Variants in AGBL1 observed in about 807,000 individuals in gnomAD.
The protein encoded by AGBL1 is cytosolic carboxypeptidase 4.
A neutral mutation model predicts 118.9 loss-of-function variants in AGBL1; 130 were observed. The observed-to-expected ratio is 1.09, with a 90% confidence interval of 0.95 to 1.26. AGBL1 has a LOEUF of 1.26. AGBL1 is among the 50% of genes most tolerant of loss of function. The pLI, the probability that AGBL1 is intolerant of heterozygous loss-of-function variation, is 0.00. For synonymous variants in AGBL1, 555 were observed against 478.9 expected (o/e 1.16, Z -2.08); for missense variants, 1,584 against 1,298.1 (o/e 1.22, Z -3.38).
chr15:86,720,870 C>T (rs543425366), intron 22 of AGBL1, among the ~76,000 whole-genome samples: 73 of 152,276 alleles, frequency 4.8e-4, no homozygotes, highest in African/African-American at 1.6e-3. Context: ...ACTATGAACA[C>T]CTCTACACAA....
At chr15:86,497,205 C>T (rs1481902125) in intron 18 of AGBL1, among the ~76,000 whole-genome samples, 3 of 151,898 alleles carry the variant, frequency 2.0e-5, no homozygotes, top group Non-Finnish European at 2.9e-5. Context: ...AATTTTGCAT[C>T]TCGCTTCCCT....
intron 23 of AGBL1, among the ~76,000 whole-genome samples, chr15:86,974,971 T>C (rs1410492164): frequency 2.6e-5 from 4 of 151,946 alleles, no homozygotes; most frequent in African/African-American, 7.2e-5. Flanking sequence ...TTAGGGACTT[T>C]AGGCAAGGGT....
intron 22 of AGBL1, among the ~76,000 whole-genome samples, chr15:86,881,356 C>T (rs1002996679): frequency 2.0e-5 from 3 of 152,142 alleles, no homozygotes; most frequent in African/African-American, 7.2e-5. Context: ...CCTGGTGATT[C>T]TCACGTTCTC....
At chr15:86,824,277 AT>A (rs1303775619) in intron 22 of AGBL1, among the ~76,000 whole-genome samples, 1 of 152,090 alleles carries the variant, frequency 6.6e-6, no homozygotes, top group Non-Finnish European at 1.5e-5. Flanking sequence ...AAAACCAATC[AT>A]TTTTCTATAC....
At chr15:86,298,355 T>TGG in intron 17 of AGBL1, among the ~76,000 whole-genome samples, 1 of 114,936 alleles carries the variant, frequency 8.7e-6, no homozygotes, top group Non-Finnish European at 1.8e-5. Context: ...TATGAATATA[T>TGG]TCTTATATAT....
At chr15:86,457,008 C>G (rs916958095) in intron 18 of AGBL1, among the ~76,000 whole-genome samples, 1 of 151,964 alleles carries the variant, frequency 6.6e-6, no homozygotes, top group African/African-American at 2.4e-5. Context: ...AAGAACACAC[C>G]GCTATTTGCC....
intron 6 of AGBL1, among the ~76,000 whole-genome samples, chr15:86,240,947 G>T (rs1486057238): frequency 1.3e-5 from 2 of 152,134 alleles, no homozygotes; most frequent in African/African-American, 4.8e-5. Context: ...GATCTTAGAA[G>T]ATTAACTAAT....
At chr15:86,962,077 CTA>C (rs1419986714) in intron 23 of AGBL1, among the ~76,000 whole-genome samples, 2 of 152,110 alleles carry the variant, frequency 1.3e-5, no homozygotes, top group African/African-American at 2.4e-5. Flanking sequence ...TTACTATTTT[CTA>C]TTACAAATTG....
intron 21 of AGBL1, among the ~76,000 whole-genome samples, chr15:86,573,792 G>A (rs961477443): frequency 6.6e-6 from 1 of 152,040 alleles, no homozygotes; most frequent in Non-Finnish European, 1.5e-5. Flanking sequence ...AGACAGAATC[G>A]GAAAGATACA....
intron 18 of AGBL1, among the ~76,000 whole-genome samples, chr15:86,402,962 G>A (rs1462988371): frequency 6.6e-6 from 1 of 152,198 alleles, no homozygotes; most frequent in Non-Finnish European, 1.5e-5. Flanking sequence ...TGAGTTCTAA[G>A]TAAATCAGGA....
intron 18 of AGBL1, among the ~76,000 whole-genome samples, chr15:86,504,707 G>A (rs183567475): frequency 6.6e-6 from 1 of 151,420 alleles, no homozygotes; most frequent in East Asian, 1.9e-4. Context: ...CTTTCTTTGT[G>A]CTATTATCAT....
chr15:86,179,975 G>A (rs1165204613), intron 5 of AGBL1, among the ~76,000 whole-genome samples: 8 of 152,002 alleles, frequency 5.3e-5, no homozygotes. Flanking sequence ...TAAAAACTTA[G>A]GGATAAATCT....
At chr15:86,221,029 G>A (rs530584376) in intron 5 of AGBL1, among the ~76,000 whole-genome samples, 6 of 151,892 alleles carry the variant, frequency 4.0e-5, no homozygotes, top group Admixed American at 1.3e-4. Context: ...GTGAAACCCC[G>A]TCTCTACTAA....
chr15:86,906,354 C>A (rs773154858), intron 22 of AGBL1, among the ~76,000 whole-genome samples: 1 of 152,200 alleles, frequency 6.6e-6, no homozygotes, highest in African/African-American at 2.4e-5. Context: ...CCCCTTCTAT[C>A]GCTTGCTGGT....
At chr15:86,554,569 T>G in intron 21 of AGBL1, 32 bp downstream of exon 21, 1 of 1,434,108 alleles carries the variant, frequency 7.0e-7, no homozygotes, top group African/African-American at 1.5e-5. Context: ...CCATACTTTC[T>G]GTCCAGCAAC....
At chr15:86,625,260 A>C (rs16977875) in intron 21 of AGBL1, among the ~76,000 whole-genome samples, 17,985 of 151,946 alleles carry the variant, frequency 0.12, 1,227 homozygotes, top group African/African-American at 0.17. Flanking sequence ...GATCCTTTCA[A>C]CTTCTGAACA....
intron 18 of AGBL1, among the ~76,000 whole-genome samples, chr15:86,502,282 A>G (rs2082926565): frequency 6.6e-6 from 1 of 151,570 alleles, no homozygotes; most frequent in African/African-American, 2.4e-5. Flanking sequence ...TTTGTGCATT[A>G]ATCTTAATTC....
At chr15:86,200,760 G>A (rs1242832420) in intron 5 of AGBL1, among the ~76,000 whole-genome samples, 1 of 151,700 alleles carries the variant, frequency 6.6e-6, no homozygotes, top group Non-Finnish European at 1.5e-5. Flanking sequence ...GGGATTATAG[G>A]CACCTGCCAC....
At chr15:86,860,275 A>C (rs1356109198) in intron 22 of AGBL1, among the ~76,000 whole-genome samples, 3 of 152,116 alleles carry the variant, frequency 2.0e-5, no homozygotes, top group Non-Finnish European at 4.4e-5. Flanking sequence ...AGTGCCCAGC[A>C]CATGGTGAGT....
Sources: gnomAD v4.1 joint callset for allele counts (sites outside exome capture counted in the v4.1 genomes callset) on GRCh38, gnomAD v4.1.1 for gene constraint, MANE v1.5 for transcripts, NCBI Gene and HGNC (gene_info 2026-07-23, HGNC 2026-07-21) for gene names.